SGCZ: variants seen among roughly 807,000 people sequenced by gnomAD.
The protein encoded by SGCZ is zeta-sarcoglycan.
A neutral mutation model predicts 41.3 loss-of-function variants in SGCZ; 40 were observed. The observed-to-expected ratio is 0.97, with a 90% CI of 0.75 to 1.26. The LOEUF is 1.26. Among genes scored for constraint, SGCZ ranks in the 50% most tolerant of loss-of-function variants. SGCZ has a pLI of 0.00. For synonymous variants in SGCZ, 206 were observed against 137.5 expected, an observed-to-expected ratio of 1.50 and a Z score of -3.49; for missense variants, 552 against 369.8, an observed-to-expected ratio of 1.49 and a Z score of -4.04.
intron 1 of SGCZ, among the ~76,000 whole-genome samples, chr8:15,139,077 C>T (rs1808222366): frequency 6.6e-6 from 1 of 152,084 alleles, no homozygotes; most frequent in Admixed American, 6.6e-5. Context: ...TATTTTCCTC[C>T]CTGACAATGG....
intron 4 of SGCZ, among the ~76,000 whole-genome samples, chr8:14,230,528 G>C (rs907173575): frequency 1.3e-5 from 2 of 152,054 alleles, no homozygotes; most frequent in Admixed American, 6.6e-5. Flanking sequence ...CTGGGATTTA[G>C]CAGTCTCCAA....
intron 1 of SGCZ, among the ~76,000 whole-genome samples, chr8:14,798,469 C>T (rs894783359): frequency 2.6e-5 from 4 of 151,952 alleles, no homozygotes; most frequent in African/African-American, 9.7e-5. Context: ...ATGCAACTTA[C>T]AGAAGACAGA....
At chr8:15,063,528 T>C (rs1805017353) in intron 1 of SGCZ, among the ~76,000 whole-genome samples, 1 of 152,198 alleles carries the variant, frequency 6.6e-6, no homozygotes, top group Admixed American at 6.5e-5. Flanking sequence ...GCCCAACTTA[T>C]TCCTTTATGA....
At chr8:15,094,279 C>T (rs1397172522) in intron 1 of SGCZ, among the ~76,000 whole-genome samples, 2 of 152,040 alleles carry the variant, frequency 1.3e-5, no homozygotes, top group African/African-American at 2.4e-5. Flanking sequence ...AGATTACAGG[C>T]GTGCACCACC....
intron 1 of SGCZ, among the ~76,000 whole-genome samples, chr8:14,742,079 A>AG (rs1000625260): frequency 3.9e-5 from 6 of 152,010 alleles, no homozygotes; most frequent in African/African-American, 1.4e-4. Context: ...ACTGATTTAG[A>AG]GGGAAAAAAA....
intron 2 of SGCZ, among the ~76,000 whole-genome samples, chr8:14,459,732 T>C (rs750709452): frequency 2.0e-5 from 3 of 152,132 alleles, no homozygotes; most frequent in Admixed American, 6.5e-5. Context: ...AGTCCTAATA[T>C]GATACACTGA....
At chr8:14,742,004 T>C (rs1267051395) in intron 1 of SGCZ, among the ~76,000 whole-genome samples, 2 of 152,058 alleles carry the variant, frequency 1.3e-5, no homozygotes, top group Admixed American at 1.3e-4. Flanking sequence ...AGCATAATTA[T>C]TTAAGGCATA....
chr8:15,056,952 G>A (rs1017941430), intron 1 of SGCZ, among the ~76,000 whole-genome samples: 2 of 152,176 alleles, frequency 1.3e-5, no homozygotes, highest in Non-Finnish European at 2.9e-5. Context: ...TGGGTGTTTT[G>A]AGAGTGGAAT....
At chr8:14,770,285 T>C (rs1800191588) in intron 1 of SGCZ, among the ~76,000 whole-genome samples, 1 of 151,694 alleles carries the variant, frequency 6.6e-6, no homozygotes, top group Non-Finnish European at 1.5e-5. Context: ...TCTGAAAAAT[T>C]ATATGAAGCA....
chr8:14,495,466 A>G (rs1010349717), intron 2 of SGCZ, among the ~76,000 whole-genome samples: 1 of 152,212 alleles, frequency 6.6e-6, no homozygotes, highest in African/African-American at 2.4e-5. Flanking sequence ...ACAGTTAAGT[A>G]TCACTGAAAA....
At chr8:15,191,739 AAGC>A (rs145855761) in intron 1 of SGCZ, among the ~76,000 whole-genome samples, 2,234 of 152,206 alleles carry the variant, frequency 0.015, 73 homozygotes, top group African/African-American at 0.051. Flanking sequence ...CTAGGAATAG[AAGC>A]AGTTGAAAAA....
At chr8:14,320,380 T>C (rs1185106976) in intron 3 of SGCZ, among the ~76,000 whole-genome samples, 2 of 151,726 alleles carry the variant, frequency 1.3e-5, no homozygotes, top group Non-Finnish European at 1.5e-5. Context: ...TGTCATGTAA[T>C]CAGGAAAGAC....
intron 2 of SGCZ, among the ~76,000 whole-genome samples, chr8:14,464,650 G>T (rs529456740): frequency 5.1e-4 from 77 of 151,186 alleles, no homozygotes; most frequent in African/African-American, 1.6e-3. Context: ...GGTTTAGTTT[G>T]TTCTTCTTTT....
intron 2 of SGCZ, among the ~76,000 whole-genome samples, chr8:14,422,597 A>C (rs1336954914): frequency 1.3e-5 from 2 of 152,240 alleles, no homozygotes; most frequent in African/African-American, 4.8e-5. Context: ...ACTGTAAAAC[A>C]ATGCCTTGTA....
chr8:14,754,192 A>C (rs150588119), intron 1 of SGCZ, among the ~76,000 whole-genome samples: 160 of 152,288 alleles, frequency 1.1e-3, no homozygotes, highest in African/African-American at 3.7e-3. Flanking sequence ...AATGGTTTAA[A>C]TCTGATTACT....
intron 1 of SGCZ, among the ~76,000 whole-genome samples, chr8:14,695,882 A>C (rs1420581007): frequency 1.3e-5 from 2 of 152,130 alleles, no homozygotes; most frequent in African/African-American, 4.8e-5. Flanking sequence ...GAACATAGTT[A>C]ATGAGCTGAG....
intron 4 of SGCZ, among the ~76,000 whole-genome samples, chr8:14,172,406 C>A (rs1458967075): frequency 6.6e-6 from 1 of 152,124 alleles, no homozygotes; most frequent in Non-Finnish European, 1.5e-5. Flanking sequence ...ATGAAAATTA[C>A]ATTGCCTGGT....
At position 14,441,264 on chromosome 8, in the gene SGCZ, T is replaced by G. The variant is rs77616746; in HGVS notation, c.234+113468A>C. 2.8e-4 allele frequency among the ~76,000 whole-genome samples: 42 copies of G among 152,298 alleles called. No individual in the cohort carries two copies. The East Asian group carries it at 7.5e-3, about 27-fold the overall frequency. ...TTTCTACCTAATTTCCAGTTGTAGG[T>G]GCTGTCTCCTTCATTTAAAACAATC... On this transcript the variant is annotated intron_variant, in intron 2 of 7. Transcript: ENST00000382080.
intron 1 of SGCZ, among the ~76,000 whole-genome samples, chr8:14,780,566 G>GA (rs1332131611): frequency 6.6e-6 from 1 of 151,918 alleles, no homozygotes; most frequent in African/African-American, 2.4e-5. Context: ...GGGAAGGAAT[G>GA]AAAAAAATAC....
Sources: allele counts gnomAD v4.1 joint callset (sites outside exome capture counted in the v4.1 genomes callset), GRCh38; gene constraint gnomAD v4.1.1; transcripts MANE v1.5; gene names NCBI Gene and HGNC (gene_info 2026-07-23, HGNC 2026-07-21).